The following EFNA5 variants were observed in gnomAD, a reference collection of about 807,000 sequenced individuals.
EFNA5 encodes ephrin-A5.
EFNA5 carries 5 observed loss-of-function variants against 22.9 expected under a neutral mutation model. That is an observed-to-expected ratio of 0.22 (90% CI 0.11 to 0.46). The LOEUF (loss-of-function observed/expected upper bound fraction) is 0.46. Among genes scored for constraint, EFNA5 ranks in the 20% least tolerant of loss-of-function variants. EFNA5 has a pLI of 0.99. For synonymous variants in EFNA5, 113 were observed against 112.2 expected (o/e 1.01, Z -0.04); for missense variants, 237 against 293.3 (o/e 0.81, Z 1.40).
intron 1 of EFNA5, among the ~76,000 whole-genome samples, chr5:107,552,285 A>T (rs1748316112): frequency 6.6e-6 from 1 of 152,214 alleles, no homozygotes; most frequent in Admixed American, 6.5e-5. Flanking sequence ...TACAGTGCCA[A>T]TAACAATACT....
At chr5:107,550,510 TTTTCAAA>T (rs1748270835) in intron 1 of EFNA5, among the ~76,000 whole-genome samples, 1 of 152,170 alleles carries the variant, frequency 6.6e-6, no homozygotes, top group African/African-American at 2.4e-5. Context: ...ACTTCCCCAT[TTTTCAAA>T]TGGGAAGAAA....
At chr5:107,587,911 C>G (rs1462957312) in intron 1 of EFNA5, among the ~76,000 whole-genome samples, 1 of 152,080 alleles carries the variant, frequency 6.6e-6, no homozygotes, top group Admixed American at 6.5e-5. Flanking sequence ...GCAGGAGATG[C>G]GAAGACAAGT....
rs1751174059 is a variant in EFNA5, at chr5:107,670,639, C to A, written c.-26G>T. ...CACGCCTGGCCAGCGGCGGAGCCCC[C>A]GACGCGCCACTCCGGGGAGAGAGCG... On this transcript the variant is annotated 5_prime_UTR_variant, in exon 1 of 5. Transcript: ENST00000333274. 1 of 1,595,126 alleles carries A rather than the reference C, an allele frequency of 6.3e-7. No individual in the cohort carries two copies. Among genetic ancestry groups the A allele is most frequent in the East Asian group, 2.3e-5 (1 of 43,250 alleles).
chr5:107,609,404 C>T (rs1020941684), intron 1 of EFNA5, among the ~76,000 whole-genome samples: 6 of 152,182 alleles, frequency 3.9e-5, no homozygotes, highest in Non-Finnish European at 8.8e-5. Flanking sequence ...GCCAGCCCTC[C>T]TCCTGCCTTC....
chr5:107,654,036 T>A (rs1750781295), intron 1 of EFNA5, among the ~76,000 whole-genome samples: 1 of 152,052 alleles, frequency 6.6e-6, no homozygotes, highest in African/African-American at 2.4e-5. Flanking sequence ...GAATTAAGAG[T>A]ATGCTATGAT....
intron 1 of EFNA5, among the ~76,000 whole-genome samples, chr5:107,669,377 C>G (rs1213199267): frequency 6.6e-6 from 1 of 152,110 alleles, no homozygotes; most frequent in Non-Finnish European, 1.5e-5. Flanking sequence ...CCTAGGAGGG[C>G]ACCGAGACCG....
intron 1 of EFNA5, among the ~76,000 whole-genome samples, chr5:107,555,279 C>G (rs902708182): frequency 1.1e-4 from 17 of 152,204 alleles, no homozygotes. Flanking sequence ...CTGAGATAGC[C>G]AGATACACAT....
Position 107,592,072 on chromosome 5 carries a change from TAATA to T in EFNA5, c.125+78413_125+78416del, listed in dbSNP as rs1316808845. On this transcript the variant is annotated intron_variant, in intron 1 of 4. Coordinates refer to ENST00000333274, the MANE Select transcript of EFNA5 (RefSeq NM_001962.3). ...TACATTAAACATATATTTATAATAA[TAATA>T]AATTATTAATTTTTAATAAAAATAT... Among the ~76,000 whole-genome samples, 5 of 82,604 alleles carry T rather than the reference TAATA, an allele frequency of 6.1e-5. 1 individual carries two copies. Among genetic ancestry groups the T allele is most frequent in the Non-Finnish European group, 1.1e-4 (5 of 46,242 alleles). The allele number at this position is 82,604 out of a possible 152,430, so 54.2% of individuals were successfully genotyped here. A position where few individuals can be genotyped will look rare whatever the true frequency, so the allele number is the denominator to read the frequency against.
chr5:107,509,984 T>TC (rs898039080), intron 1 of EFNA5, among the ~76,000 whole-genome samples: 2 of 152,290 alleles, frequency 1.3e-5, no homozygotes, highest in Admixed American at 1.3e-4. Flanking sequence ...AGCAACTCCA[T>TC]CTTGAATAAG....
At chr5:107,477,200 G>A (rs7715798) in intron 1 of EFNA5, among the ~76,000 whole-genome samples, 12 of 152,212 alleles carry the variant, frequency 7.9e-5, no homozygotes, top group South Asian at 2.1e-4. Flanking sequence ...AAGAAGCTAC[G>A]GAGAAACATA....
intron 1 of EFNA5, among the ~76,000 whole-genome samples, chr5:107,571,635 C>T (rs2112486865): frequency 6.6e-6 from 1 of 152,092 alleles, no homozygotes; most frequent in South Asian, 2.1e-4. Context: ...AGACACTATC[C>T]TCTGGCTAGA....
intron 1 of EFNA5, among the ~76,000 whole-genome samples, chr5:107,564,625 G>GT (rs1451439638): frequency 3.4e-5 from 4 of 117,728 alleles, no homozygotes; most frequent in African/African-American, 1.8e-4. Context: ...TTTTGTTTGG[G>GT]TTTTTGTTTT....
intron 1 of EFNA5, among the ~76,000 whole-genome samples, chr5:107,476,056 A>ATATATATATATATATATATT (rs1454967869): frequency 1.7e-5 from 2 of 115,404 alleles, no homozygotes; most frequent in African/African-American, 7.0e-5. Context: ...CTATATATAT[A>ATATATATATATATATATATT]TTTTTTTTTT....
chr5:107,647,257 T>G (rs1303859381), intron 1 of EFNA5, among the ~76,000 whole-genome samples: 3 of 152,166 alleles, frequency 2.0e-5, no homozygotes, highest in Admixed American at 2.0e-4. Context: ...AACTTCTTGG[T>G]GTAAATATGT....
intron 1 of EFNA5, among the ~76,000 whole-genome samples, chr5:107,520,708 A>G (rs539641827): frequency 4.5e-4 from 69 of 152,334 alleles, no homozygotes; most frequent in Non-Finnish European, 8.8e-4. Context: ...TCAAACTATA[A>G]TTAGCAAGTT....
intron 1 of EFNA5, among the ~76,000 whole-genome samples, chr5:107,668,226 G>C (rs1234205066): frequency 6.6e-6 from 1 of 152,180 alleles, no homozygotes; most frequent in Non-Finnish European, 1.5e-5. Context: ...CTACAAACCT[G>C]AAGTTAGAAT....
intron 1 of EFNA5, among the ~76,000 whole-genome samples, chr5:107,637,666 T>TTATATATATACTA (rs1554070641): frequency 6.7e-6 from 1 of 149,136 alleles, no homozygotes; most frequent in Non-Finnish European, 1.5e-5. Context: ...CATAAACTGA[T>TTATATATATACTA]TATATATATA....
In EFNA5 at chr5:107,425,959, G is replaced by C. The variant is rs1748800447; in HGVS notation, c.418+1258C>G. 1.3e-5 allele frequency among the ~76,000 whole-genome samples: 2 copies of C among 152,100 alleles called. 1 individual carries two copies. The highest frequency in any genetic ancestry group is 4.1e-4 in the South Asian group (2 of 4,820). ...TAAGCATACTGAGTGGTATAACTTG[G>C]ATCTCTACCCACTGTGTGTGGTTGC... On this transcript the variant is annotated intron_variant, in intron 2 of 4. Coordinates refer to ENST00000333274, the MANE Select transcript of EFNA5 (RefSeq NM_001962.3).
At position 107,437,694 on chromosome 5, in the gene EFNA5, T is replaced by C. The variant is rs1749152847; in HGVS notation, c.126-10185A>G. 2.0e-5 allele frequency among the ~76,000 whole-genome samples: 3 copies of C among 149,948 alleles called. No individual in the cohort carries two copies. The South Asian group carries it at 6.3e-4, about 31-fold the overall frequency. ...TAGTAGCGACTACATAGATGTTCGA[T>C]GAAGAGGAATGTAGCTGAAGGGTAT... On this transcript the variant is annotated intron_variant, in intron 1 of 4. Transcript: ENST00000333274.
Sources: allele counts gnomAD v4.1 joint callset (sites outside exome capture counted in the v4.1 genomes callset), GRCh38; gene constraint gnomAD v4.1.1; transcripts MANE v1.5; gene names NCBI Gene and HGNC (gene_info 2026-07-23, HGNC 2026-07-21).